The following THAP4 variants were observed in gnomAD, a reference collection of about 807,000 sequenced individuals.
THAP4 encodes the protein peroxynitrite isomerase THAP4.
In THAP4, 18 loss-of-function variants were observed where a neutral mutation model predicts 48.1. That is an observed-to-expected ratio of 0.37 (90% CI 0.26 to 0.56). The LOEUF (loss-of-function observed/expected upper bound fraction) is 0.56, where lower values mean the gene tolerates loss of function less well. THAP4 is among the 20% of genes least tolerant of loss of function. The pLI is 0.78. For missense variants in THAP4, 656 were observed against 774.9 expected (o/e 0.85, Z 1.82); for synonymous variants, 345 against 324.9 (o/e 1.06, Z -0.66).
intron 2 of THAP4, among the ~76,000 whole-genome samples, chr2:241,618,098 G>A (rs1466308053): frequency 6.6e-6 from 1 of 152,186 alleles, no homozygotes; most frequent in Non-Finnish European, 1.5e-5. Context: ...TGCGCGGCCC[G>A]CACCAGCTGT....
intron 1 of THAP4, 110 bp downstream of exon 1, chr2:241,636,831 G>T: frequency 1.8e-6 from 1 of 541,648 alleles, no homozygotes; most frequent in Non-Finnish European, 2.3e-6. Context: ...CCGCGCCCCG[G>T]CCGCCGAGGC....
chr2:241,618,512 G>A (rs188596475), intron 2 of THAP4, among the ~76,000 whole-genome samples: 1 of 152,288 alleles, frequency 6.6e-6, no homozygotes, highest in Admixed American at 6.5e-5. Context: ...ACTCTCACAT[G>A]TAAAGAGCTT....
intron 2 of THAP4, among the ~76,000 whole-genome samples, chr2:241,619,633 G>A (rs2067386007): frequency 1.3e-5 from 2 of 152,254 alleles, no homozygotes; most frequent in Non-Finnish European, 2.9e-5. Context: ...ACTGGAGTGT[G>A]CAGCATGGGC....
chr2:241,605,293 G>A (rs1380998170), intron 3 of THAP4, among the ~76,000 whole-genome samples: 1 of 152,096 alleles, frequency 6.6e-6, no homozygotes, highest in Non-Finnish European at 1.5e-5. Flanking sequence ...GCCCAGCCCC[G>A]TTCTGAAACT....
chr2:241,597,866 G>A (rs570632913), intron 5 of THAP4, among the ~76,000 whole-genome samples: 1 of 152,100 alleles, frequency 6.6e-6, no homozygotes, highest in Non-Finnish European at 1.5e-5. Flanking sequence ...CCATGCCCAG[G>A]CTTCGCAACT....
intron 5 of THAP4, among the ~76,000 whole-genome samples, chr2:241,586,263 A>G (rs1349041605): frequency 6.3e-3 from 386 of 61,322 alleles, no homozygotes; most frequent in African/African-American, 0.026. Context: ...TCTGAAGAGG[A>G]AAAAAAAAAA....
chr2:241,598,092 A>G (rs1006533972), intron 5 of THAP4, among the ~76,000 whole-genome samples: 3 of 152,236 alleles, frequency 2.0e-5, no homozygotes, highest in African/African-American at 7.2e-5. Flanking sequence ...ATAGAACAGC[A>G]CATCAAGAGA....
intron 5 of THAP4, among the ~76,000 whole-genome samples, chr2:241,587,356 C>A (rs533535259): frequency 2.4e-4 from 36 of 152,214 alleles, no homozygotes; most frequent in South Asian, 8.3e-4. Context: ...TTTGGACTCC[C>A]AGATGTCACC....
At chr2:241,590,318 A>G (rs2066945197) in intron 5 of THAP4, among the ~76,000 whole-genome samples, 1 of 151,366 alleles carries the variant, frequency 6.6e-6, no homozygotes, top group African/African-American at 2.4e-5. Context: ...GGGCACTAGG[A>G]CACTCAGAGC....
chr2:241,588,458 C>T (rs2066918063), intron 5 of THAP4, among the ~76,000 whole-genome samples: 1 of 152,064 alleles, frequency 6.6e-6, no homozygotes, highest in Non-Finnish European at 1.5e-5. Context: ...TGCAAAGGGT[C>T]CTAGGATAGC....
chr2:241,626,710 C>G (rs887449938), intron 2 of THAP4, among the ~76,000 whole-genome samples: 3 of 151,860 alleles, frequency 2.0e-5, no homozygotes, highest in African/African-American at 7.3e-5. Context: ...ATTACAGGCA[C>G]GTGTCACCAT....
At chr2:241,589,586 G>T (rs565504496) in intron 5 of THAP4, among the ~76,000 whole-genome samples, 1 of 152,074 alleles carries the variant, frequency 6.6e-6, no homozygotes, top group Non-Finnish European at 1.5e-5. Flanking sequence ...AACCCTTGGC[G>T]AGGCTGTGGG....
At chr2:241,614,801 A>G (rs2067317741) in intron 2 of THAP4, among the ~76,000 whole-genome samples, 1 of 152,282 alleles carries the variant, frequency 6.6e-6, no homozygotes, top group East Asian at 1.9e-4. Context: ...AGGCAGGAGA[A>G]TCGCTTGAAA....
intron 5 of THAP4, among the ~76,000 whole-genome samples, chr2:241,589,964 C>T (rs2066937625): frequency 6.6e-6 from 1 of 152,010 alleles, no homozygotes; most frequent in Non-Finnish European, 1.5e-5. Context: ...ATGATGGGCA[C>T]TAGGACACTC....
At chr2:241,599,124 T>C (rs1396667786) in intron 5 of THAP4, among the ~76,000 whole-genome samples, 1 of 151,888 alleles carries the variant, frequency 6.6e-6, no homozygotes, top group East Asian at 1.9e-4. Context: ...TGGTGGTGCA[T>C]GCCTGTAACC....
rs1404869715 is a variant in THAP4, at chr2:241,610,030, C to G, written c.1241-3557G>C. ...AGCTGCTGCACCGGGGCCGCGATCT[C>G]CACCCCTCACGCCCGAGTCCCCGGC... is the stretch of plus-strand genomic sequence containing the variant. On this transcript the variant is annotated intron_variant, in intron 2 of 5. Transcript: ENST00000407315. The surrounding 1 kb of genome is among the most constrained non-coding windows in gnomAD (Gnocchi z 4.2). Among the ~76,000 whole-genome samples, 4 of 151,432 alleles carry G rather than the reference C, an allele frequency of 2.6e-5. No individual in the cohort carries two copies. Among genetic ancestry groups the G allele is most frequent in the Non-Finnish European group, 5.9e-5 (4 of 67,746 alleles).
In THAP4 at chr2:241,601,973, C is replaced by A; in HGVS notation, c.1537G>T (p.Val513Leu). The A allele has an allele frequency of 6.2e-7, 1 of 1,612,304 alleles. No individual in the cohort carries two copies. The highest frequency in any genetic ancestry group is 8.5e-7 in the Non-Finnish European group (1 of 1,179,984). ...GCGATGCACAGCTCCTGCCCGTTCACCTCGCCCTCCTCCACTTCCACCACG... is the reference window on the plus strand; with the variant it reads ...GCGATGCACAGCTCCTGCCCGTTCAACTCGCCCTCCTCCACTTCCACCACG... ...TGVVEVEEGE[V>L]NGQELCIASH... Residue 513 changes from valine to leucine, a missense_variant, in exon 5 of 6, where the codon GTG (valine) becomes TTG (leucine). Around this residue, in one of 4 missense-constraint regions of THAP4, gnomAD observed 176 missense variants for 256.7 expected, o/e 0.69. Coordinates refer to ENST00000407315, the MANE Select transcript of THAP4 (RefSeq NM_015963.6). The surrounding 1 kb of genome is among the most constrained non-coding windows in gnomAD (Gnocchi z 4.0).
At chr2:241,636,027 G>A (rs927311742) in intron 1 of THAP4, among the ~76,000 whole-genome samples, 5 of 152,012 alleles carry the variant, frequency 3.3e-5, no homozygotes, top group African/African-American at 7.3e-5. Context: ...GTTGCAACAC[G>A]TTGCCTCGTT....
In THAP4 at chr2:241,618,232, G is replaced by A. The variant is rs142864540; in HGVS notation, c.1241-11759C>T. On this transcript the variant is annotated intron_variant, in intron 2 of 5. Coordinates refer to ENST00000407315, the MANE Select transcript of THAP4 (RefSeq NM_015963.6). ...GCCCTCAACTTATCAACCATGAAAC[G>A]GAAGGAGTTGCATGCCCAGGGGAAA... Among the ~76,000 whole-genome samples, 1,235 of 152,264 alleles carry A rather than the reference G, an allele frequency of 8.1e-3. 13 individuals carry two copies. The highest frequency in any genetic ancestry group is 0.028 in the African/African-American group (1,163 of 41,544).
Sources: allele counts gnomAD v4.1 joint callset (sites outside exome capture counted in the v4.1 genomes callset), GRCh38; gene constraint gnomAD v4.1.1; regional missense constraint gnomAD v4.1.1; non-coding constraint Gnocchi (gnomAD v3.1); transcripts MANE v1.5; gene names NCBI Gene and HGNC (gene_info 2026-07-23, HGNC 2026-07-21).